Variants in LRRC43 observed in about 807,000 individuals in gnomAD.
LRRC43 encodes leucine-rich repeat-containing protein 43.
LRRC43 carries 62 observed loss-of-function variants against 64.3 expected under a neutral mutation model. That is an observed-to-expected ratio of 0.96 (90% CI 0.79 to 1.19). The LOEUF (loss-of-function observed/expected upper bound fraction) is 1.19, where lower values mean the gene tolerates loss of function less well. Ranked by LOEUF, LRRC43 falls within the 50% of genes most tolerant of loss-of-function variation. LRRC43 has a pLI of 0.00. For synonymous variants in LRRC43, 422 were observed against 382.3 expected, an observed-to-expected ratio of 1.10 and a Z score of -1.21; for missense variants, 868 against 845.0, an observed-to-expected ratio of 1.03 and a Z score of -0.34.
chr12:122,187,449 C>A, intron 3 of LRRC43: 1 of 436,820 alleles, frequency 2.3e-6, no homozygotes, highest in East Asian at 4.0e-5. Flanking sequence ...AGCTCCCCCA[C>A]TGCCAATCCA....
intron 1 of LRRC43, among the ~76,000 whole-genome samples, chr12:122,171,419 T>C (rs914102626): frequency 4.6e-5 from 7 of 152,198 alleles, no homozygotes; most frequent in African/African-American, 1.7e-4. Context: ...CTGGAGTGAG[T>C]GGTGCTGTCC....
chr12:122,184,202 C>G lies in LRRC43; in HGVS notation c.151-317C>G, dbSNP rs886179257. ...CTCCGCCTCCCGGGTTCAAACGATT[C>G]TCCTGCCTTAGCCTCCCGAGTAGCT... On this transcript the variant is annotated intron_variant, in intron 1 of 11. Transcript: ENST00000339777. This position sits in a 1 kb window ranked among gnomAD's most constrained non-coding sequence, Gnocchi z 4.0. Among the ~76,000 whole-genome samples, 2 of 151,404 alleles carry G rather than the reference C, an allele frequency of 1.3e-5. No homozygotes were observed. Among genetic ancestry groups the G allele is most frequent in the Non-Finnish European group, 2.9e-5 (2 of 67,962 alleles).
chr12:122,199,440 G>A (rs904618181), intron 7 of LRRC43, among the ~76,000 whole-genome samples: 12 of 151,784 alleles, frequency 7.9e-5, no homozygotes, highest in African/African-American at 2.2e-4. Flanking sequence ...ATGCCACCAC[G>A]CCTGGCTAAT....
chr12:122,197,244 T>A (rs1425332342), intron 7 of LRRC43, among the ~76,000 whole-genome samples: 1 of 152,174 alleles, frequency 6.6e-6, no homozygotes, highest in South Asian at 2.1e-4. Flanking sequence ...CACTGCAACC[T>A]CTGGCTCCTG....
chr12:122,198,539 C>T (rs538803446), intron 7 of LRRC43, among the ~76,000 whole-genome samples: 12 of 151,760 alleles, frequency 7.9e-5, no homozygotes, highest in African/African-American at 2.4e-4. Flanking sequence ...AAATACATAG[C>T]CTTTTGTGTC....
At chr12:122,180,048 C>T (rs1045983238), upstream of LRRC43, among the ~76,000 whole-genome samples, 1 of 150,806 alleles carries the variant, frequency 6.6e-6, no homozygotes, top group Non-Finnish European at 1.5e-5. Context: ...AGATGAAAAG[C>T]AGTTTTTCAA....
chr12:122,184,652 G>T lies in LRRC43; in HGVS notation c.284G>T (p.Trp95Leu). Residue 95 changes from tryptophan (W) to leucine (L), a missense_variant, in exon 2 of 12, where the codon TGG (tryptophan) becomes TTG (leucine). By Grantham distance (61) the Trp-to-Leu change is moderately conservative. Transcript: ENST00000339777. This position sits in a 1 kb window ranked among gnomAD's most constrained non-coding sequence, Gnocchi z 4.0. ...CTGGTCCGCAGCCGCCACTCCCCCT[G>T]GGCTCTGCTGAACAACTCGAATGCA... ...LGLVRSRHSPWALLNNSNAED... is the reference protein window; with the variant it reads ...LGLVRSRHSPLALLNNSNAED... 1 of 1,613,972 alleles carries T rather than the reference G, an allele frequency of 6.2e-7. No individual in the cohort carries two copies. The highest frequency in any genetic ancestry group is 8.5e-7 in the Non-Finnish European group (1 of 1,179,888).
chr12:122,179,303 C>T (rs1953562336), upstream of LRRC43, among the ~76,000 whole-genome samples: 1 of 152,086 alleles, frequency 6.6e-6, no homozygotes, highest in African/African-American at 2.4e-5. Flanking sequence ...ATAAGATCCT[C>T]CTCTATTGCC....
rs201415000 is a variant in LRRC43 at position 122,172,642 on chromosome 12, G to A, written c.-406+4860G>A. ...TGTCTGATTGTCTTGAGATATGCCC[G>A]GATGGCTGGGCTGTGGATGTTGTTT... On this transcript the variant is annotated intron_variant, in intron 1 of 5. Coordinates refer to the LRRC43 transcript ENST00000537729. 21 of 1,614,064 alleles carry A rather than the reference G, an allele frequency of 1.3e-5. No individual in the cohort carries two copies. The highest frequency in any genetic ancestry group is 1.1e-4 in the East Asian group (5 of 44,888).
rs1953699456 is a variant in LRRC43 at position 122,190,183 on chromosome 12, G to A, written c.716G>A (p.Ser239Asn). ...LGFNDLTDLQSMVTSLRTLRH... is the reference protein window; with the variant it reads ...LGFNDLTDLQNMVTSLRTLRH... ...TTCAACGACCTGACAGACCTGCAGA[G>A]CATGGTCACCAGCCTGAGGACCCTC... Residue 239 changes from serine to asparagine, a missense_variant, in exon 5 of 12, where the codon AGC becomes AAC. Coordinates refer to ENST00000339777, the MANE Select transcript of LRRC43 (RefSeq NM_001098519.2). 1 of 1,614,162 alleles carries A rather than the reference G, an allele frequency of 6.2e-7. No homozygotes were observed. Among genetic ancestry groups the A allele is most frequent in the Non-Finnish European group, 8.5e-7 (1 of 1,180,028 alleles).
rs1206072964 is a variant in LRRC43, at chr12:122,186,941, A to G, written c.522+641A>G. 5.9e-5 allele frequency among the ~76,000 whole-genome samples: 9 copies of G among 151,604 alleles called. No homozygotes were observed. The East Asian group carries it at 1.7e-3, about 29-fold the overall frequency. ...CAAAGTGGTCTATCCATTCAATAGA[A>G]TGCTATTCACTCATAGAAAGGAATG... On this transcript the variant is annotated intron_variant, in intron 3 of 11. Transcript: ENST00000339777.
intron 11 of LRRC43, 45 bp downstream of exon 11, chr12:122,201,374 A>T (rs745374753): frequency 4.4e-6 from 7 of 1,595,128 alleles, no homozygotes; most frequent in Non-Finnish European, 6.0e-6. Flanking sequence ...TGTCAGGAGG[A>T]CCTGCTGAGG....
chr12:122,200,860 G>A lies in LRRC43; in HGVS notation c.1735G>A (p.Glu579Lys), dbSNP rs757463217. 2 of 1,613,112 alleles carry A rather than the reference G, an allele frequency of 1.2e-6. No individual in the cohort carries two copies. Among genetic ancestry groups the A allele is most frequent in the Admixed American group, 3.3e-5 (2 of 59,986 alleles). The change falls in exon 10 of 12, where the codon GAG (glutamate) becomes AAG (lysine). Residue 579 changes from glutamate to lysine, a missense_variant. Coordinates refer to ENST00000339777, the MANE Select transcript of LRRC43 (RefSeq NM_001098519.2). The surrounding 1 kb of genome is among the most constrained non-coding windows in gnomAD (Gnocchi z 4.6). ...LVILEPLLAG[E>K]PLVSTVCNFG... The stretch of plus-strand genomic sequence containing the variant: ...GATCCTGGAGCCCCTGCTCGCCGGG[G>A]AGCCCCTGGTGTCCACCGTGTGCAA...
At chr12:122,182,882 A>T (rs1485618555), upstream of LRRC43, 1 of 516,184 alleles carries the variant, frequency 1.9e-6, no homozygotes, top group East Asian at 3.8e-5. Context: ...TGGGTATAGG[A>T]TGACTTTCCG....
chr12:122,174,065 T>G, intron 1 of LRRC43: 1 of 1,613,234 alleles, frequency 6.2e-7, no homozygotes, highest in South Asian at 1.1e-5. Flanking sequence ...CCTGCAGCCC[T>G]GCTGAGCCAA....
chr12:122,190,091 T>C lies in LRRC43; in HGVS notation c.663-39T>C. 3 of 1,563,838 alleles carry C rather than the reference T, an allele frequency of 1.9e-6. No individual in the cohort carries two copies. The South Asian group carries it at 3.3e-5, about 17-fold the overall frequency. ...ACAGGCTGCTTGCCCCCTGCTCACC[T>C]GGCTTCTTGACCCCCAGACGGTCCT... On this transcript the variant is annotated intron_variant, in intron 4 of 11. Transcript: ENST00000339777.
rs375091821 is a variant in LRRC43 at position 122,198,202 on chromosome 12, G to A, written c.1350-1987G>A. Among the ~76,000 whole-genome samples, 116 of 152,216 alleles carry A rather than the reference G, an allele frequency of 7.6e-4. 1 individual carries two copies. The highest frequency in any genetic ancestry group is 2.6e-3 in the African/African-American group (108 of 41,554). On this transcript the variant is annotated intron_variant, in intron 7 of 11. Transcript: ENST00000339777. Reference sequence around the variant, plus strand: ...CACCGTGTTGGCCAGGAGAGTTCGAGACCAGAACTCCTGACCTTAAGTGAT... The same window carrying A: ...CACCGTGTTGGCCAGGAGAGTTCGAAACCAGAACTCCTGACCTTAAGTGAT...
chr12:122,173,230 C>T (rs1953505152), intron 1 of LRRC43, among the ~76,000 whole-genome samples: 1 of 152,136 alleles, frequency 6.6e-6, no homozygotes, highest in Non-Finnish European at 1.5e-5. Context: ...ACCAAATTGC[C>T]AGCAGCACCT....
At chr12:122,186,644 C>T (rs575843366) in intron 3 of LRRC43, among the ~76,000 whole-genome samples, 5 of 152,284 alleles carry the variant, frequency 3.3e-5, no homozygotes, top group East Asian at 1.9e-4. Flanking sequence ...ACAGGCCAGG[C>T]GCGGTGGCTC....
Sources: gnomAD v4.1 joint callset for allele counts (sites outside exome capture counted in the v4.1 genomes callset) on GRCh38, gnomAD v4.1.1 for gene constraint, Gnocchi (gnomAD v3.1) non-coding constraint, MANE v1.5 for transcripts, NCBI Gene and HGNC (gene_info 2026-07-23, HGNC 2026-07-21) for gene names.